The following CPNE3 variants were observed in gnomAD, a reference collection of about 807,000 sequenced individuals.
CPNE3 encodes the protein copine-3.
A neutral mutation model predicts 63.9 loss-of-function variants in CPNE3; 68 were observed. That is an observed-to-expected ratio of 1.06 (90% CI 0.87 to 1.30). CPNE3 has a LOEUF of 1.30. CPNE3 is among the 50% of genes most tolerant of loss of function. The probability of loss-of-function intolerance (pLI) is 0.00; values close to 1 mark genes in which losing one functional copy is unlikely to be tolerated. For missense variants in CPNE3, 665 were observed against 578.1 expected (o/e 1.15, Z -1.54); for synonymous variants, 219 against 197.5 (o/e 1.11, Z -0.91).
intron 8 of CPNE3, among the ~76,000 whole-genome samples, chr8:86,543,654 G>A (rs778666668): frequency 1.3e-5 from 2 of 152,062 alleles, no homozygotes; most frequent in Non-Finnish European, 2.9e-5. Context: ...AAGGCATACC[G>A]TCTTCTAAGA....
At chr8:86,552,962 GC>G (rs1173984951) in intron 14 of CPNE3, among the ~76,000 whole-genome samples, 38 of 3,510 alleles carry the variant, frequency 0.011, no homozygotes, top group South Asian at 0.021. Flanking sequence ...GCCACAGCCC[GC>G]CCCCCCCCCC....
intron 10 of CPNE3, chr8:86,547,314 T>C (rs1031134144): frequency 1.8e-5 from 3 of 169,202 alleles, no homozygotes; most frequent in Non-Finnish European, 2.5e-5. Flanking sequence ...CTTCATACTT[T>C]CAATATAAAA....
chr8:86,542,881 C>T (rs1013808382), intron 8 of CPNE3, among the ~76,000 whole-genome samples: 6 of 151,934 alleles, frequency 3.9e-5, no homozygotes, highest in South Asian at 2.1e-4. Flanking sequence ...GAAATTTTAA[C>T]GTATGAATAG....
At chr8:86,533,285 G>A (rs1162089614) in intron 6 of CPNE3, among the ~76,000 whole-genome samples, 1 of 151,720 alleles carries the variant, frequency 6.6e-6, no homozygotes, top group African/African-American at 2.4e-5. Flanking sequence ...GCTCATGCCT[G>A]TAATCCCAGC....
At chr8:86,534,517 G>A (rs1234635163) in intron 6 of CPNE3, among the ~76,000 whole-genome samples, 7 of 152,074 alleles carry the variant, frequency 4.6e-5, no homozygotes, top group Non-Finnish European at 7.4e-5. Flanking sequence ...TTAGCTGGGC[G>A]TGGTGGTGCG....
intron 1 of CPNE3, chr8:86,515,181 C>G (rs914986282): frequency 7.2e-5 from 11 of 152,236 alleles, no homozygotes; most frequent in Non-Finnish European, 1.3e-4. Flanking sequence ...GTTCCCTACA[C>G]CAGGATTGTG....
chr8:86,519,469 G>T (rs1445834431), intron 2 of CPNE3, among the ~76,000 whole-genome samples: 1 of 152,200 alleles, frequency 6.6e-6, no homozygotes, highest in Non-Finnish European at 1.5e-5. Context: ...TAAGAATCTG[G>T]AAACTTTTTG....
chr8:86,545,045 A>G (rs750742803), intron 9 of CPNE3: 2 of 310,824 alleles, frequency 6.4e-6, no homozygotes, highest in African/African-American at 2.2e-5. Flanking sequence ...AACAGTTACT[A>G]ATGCCAGATG....
At chr8:86,537,359 A>G (rs749507236) in intron 6 of CPNE3, among the ~76,000 whole-genome samples, 4 of 152,204 alleles carry the variant, frequency 2.6e-5, no homozygotes, top group Non-Finnish European at 5.9e-5. Flanking sequence ...GATTATGAGC[A>G]TTTATCACAA....
intron 7 of CPNE3, among the ~76,000 whole-genome samples, chr8:86,537,987 T>TCA (rs34109843): frequency 0.37 from 52,991 of 142,044 alleles, 10,021 homozygotes; most frequent in Non-Finnish European, 0.44. Context: ...TCTCTCTCTC[T>TCA]CACACACACA....
At chr8:86,514,983 C>CA (rs1298914748) in intron 1 of CPNE3, among the ~76,000 whole-genome samples, 6 of 152,214 alleles carry the variant, frequency 3.9e-5, no homozygotes, top group African/African-American at 1.4e-4. Flanking sequence ...AGGGTACCCA[C>CA]ACCACGTCCG....
chr8:86,541,018 G>C (rs1419478475), intron 8 of CPNE3, among the ~76,000 whole-genome samples: 3 of 152,122 alleles, frequency 2.0e-5, no homozygotes, highest in African/African-American at 7.2e-5. Flanking sequence ...TTTTGTACTA[G>C]AATTATTAAC....
Position 86,558,411 on chromosome 8 carries a change from C to T in CPNE3, c.*1C>T, listed in dbSNP as rs1490196531. On this transcript the variant is annotated 3_prime_UTR_variant, in exon 17 of 17. Transcript: ENST00000517490. Reference sequence around the variant, plus strand: ...AGCCACGAAACAACAGAAGCAGTGACCACTTCAACAGAATTCTTTTGTGTT... The same window carrying T: ...AGCCACGAAACAACAGAAGCAGTGATCACTTCAACAGAATTCTTTTGTGTT... 5.7e-6 allele frequency: 5 copies of T among 872,930 alleles called. No homozygotes were observed. Among genetic ancestry groups the T allele is most frequent in the Non-Finnish European group, 6.0e-6 (3 of 501,634 alleles). The allele number at this position is 872,930 out of a possible 1,614,324, so 54.1% of individuals were successfully genotyped here. A position where few individuals can be genotyped will look rare whatever the true frequency, so the allele number is the denominator to read the frequency against.
chr8:86,514,977 T>TA (rs965200748), intron 1 of CPNE3, among the ~76,000 whole-genome samples: 3 of 152,044 alleles, frequency 2.0e-5, no homozygotes, highest in Non-Finnish European at 4.4e-5. Context: ...AGGGATAGGG[T>TA]ACCCACACCA....
chr8:86,515,283 G>C (rs566319296), intron 1 of CPNE3, 179 bp from the exon 2 acceptor site: 1 of 152,324 alleles, frequency 6.6e-6, no homozygotes, highest in South Asian at 2.1e-4. Flanking sequence ...CATATCCTTA[G>C]TGTTGTCTTT....
intron 2 of CPNE3, among the ~76,000 whole-genome samples, chr8:86,524,057 C>T (rs574441432): frequency 1.2e-4 from 19 of 152,234 alleles, no homozygotes; most frequent in Middle Eastern, 3.4e-3. Flanking sequence ...TGGGAATACC[C>T]ATTAGGAGAC....
rs1269892870 is a variant in CPNE3 at position 86,561,128 on chromosome 8, A to G, written c.*2718A>G. ...CTTTCCAAAGTAAATTCAGGGCCCC[A>G]TTGCTACTTATGCCATATTTGGACA... On this transcript the variant is annotated 3_prime_UTR_variant, in exon 17 of 17. Coordinates refer to ENST00000517490, the MANE Select transcript of CPNE3 (RefSeq NM_003909.5). 4 of 152,154 alleles carry G rather than the reference A, an allele frequency of 2.6e-5. No individual in the cohort carries two copies. Among genetic ancestry groups the G allele is most frequent in the Non-Finnish European group, 4.4e-5 (3 of 68,016 alleles). 9.4% of individuals were successfully genotyped at this position (152,154 alleles called of 1,614,324 possible). A position where few individuals can be genotyped will look rare whatever the true frequency, so the allele number is the denominator to read the frequency against.
chr8:86,544,693 A>C lies in CPNE3; in HGVS notation c.634-47A>C, dbSNP rs202103549. The C allele has an allele frequency of 3.1e-6, 3 of 977,372 alleles. No homozygotes were observed. The East Asian group carries it at 9.8e-5, about 32-fold the overall frequency. 60.5% of individuals were successfully genotyped at this position (977,372 alleles called of 1,614,324 possible). On this transcript the variant is annotated intron_variant, in intron 8 of 16. Coordinates refer to ENST00000517490, the MANE Select transcript of CPNE3 (RefSeq NM_003909.5). ...TATTTATTGCAGCCAATACTTTTTA[A>C]TAAAACTATATTGATTTTTATATAT...
rs1356784755 is a variant in CPNE3, at chr8:86,554,726, A to G, written c.1121-125A>G. 13 of 1,139,682 alleles carry G rather than the reference A, an allele frequency of 1.1e-5. No individual in the cohort carries two copies. The South Asian group carries it at 1.8e-4, about 15-fold the overall frequency. 70.6% of individuals were successfully genotyped at this position (1,139,682 alleles called of 1,614,324 possible). On this transcript the variant is annotated intron_variant, in intron 14 of 16. Transcript: ENST00000517490. ...ACATAGCTTAGAGGAACTACTGCTT[A>G]TAGAACTTTTGACTATTTAAAGCAC...
Sources: gnomAD v4.1 joint callset for allele counts (sites outside exome capture counted in the v4.1 genomes callset) on GRCh38, gnomAD v4.1.1 for gene constraint, MANE v1.5 for transcripts, NCBI Gene and HGNC (gene_info 2026-07-23, HGNC 2026-07-21) for gene names.